The following ELK4 variants were observed in gnomAD, a reference collection of about 807,000 sequenced individuals.
ELK4 encodes the protein ETS transcription factor ELK4.
Under a neutral mutation model 29.6 loss-of-function variants are expected in ELK4, and 16 were observed. The ratio of observed to expected loss-of-function variants is 0.54; its 90% CI spans 0.37 to 0.82. ELK4 has a LOEUF of 0.82. Among genes scored for constraint, ELK4 ranks in the 40% least tolerant of loss-of-function variants. The pLI, the probability that ELK4 is intolerant of heterozygous loss-of-function variation, is 0.00. For missense variants in ELK4, 465 were observed against 507.1 expected, an observed-to-expected ratio of 0.92 and a Z score of 0.80; for synonymous variants, 213 against 191.1, an observed-to-expected ratio of 1.11 and a Z score of -0.95.
intron 1 of ELK4, chr1:205,625,468 C>A: frequency 1.5e-6 from 1 of 658,538 alleles, no homozygotes; most frequent in South Asian, 1.5e-5. Context: ...CTAGTTCAGC[C>A]GGGTTCCCAA....
At chr1:205,622,235 T>G (rs1670366505) in intron 2 of ELK4, among the ~76,000 whole-genome samples, 1 of 151,884 alleles carries the variant, frequency 6.6e-6, no homozygotes, top group Non-Finnish European at 1.5e-5. Context: ...CAAAAAAAAG[T>G]GAAAGAAATT....
chr1:205,616,109 C>T lies in ELK4; in HGVS notation c.*437G>A. 1 of 239,218 alleles carries T rather than the reference C, an allele frequency of 4.2e-6. No homozygotes were observed. The highest frequency in any genetic ancestry group is 6.0e-5 in the East Asian group (1 of 16,616). 14.8% of individuals were successfully genotyped at this position (239,218 alleles called of 1,614,324 possible). On this transcript the variant is annotated 3_prime_UTR_variant, in exon 5 of 5. Transcript: ENST00000357992. ...ACACTTAGTCCTAAAGATGCCAATT[C>T]ATTTCACAAATATTTCTTTAAATAA...
At chr1:205,626,139 G>A in intron 1 of ELK4, 3 of 717,376 alleles carry the variant, frequency 4.2e-6, no homozygotes, top group South Asian at 4.1e-5. Flanking sequence ...TGACCAAAGT[G>A]TCTACAGTCT....
rs1670107597 is a variant in ELK4 at position 205,608,677 on chromosome 1, T to C, written c.*7869A>G. 5.1e-6 allele frequency: 1 copy of C among 195,804 alleles called. No individual in the cohort carries two copies. Among genetic ancestry groups the C allele is most frequent in the African/African-American group, 2.3e-5 (1 of 43,258 alleles). 12.1% of individuals were successfully genotyped at this position (195,804 alleles called of 1,614,324 possible). ...GCTATTATTAACACTTTAACAGTTA[T>C]CCATTCCTCTGGGTAGGTGTGCACT... On this transcript the variant is annotated 3_prime_UTR_variant, in exon 5 of 5. Coordinates refer to ENST00000357992, the MANE Select transcript of ELK4 (RefSeq NM_001973.4).
rs4573566 is a variant in ELK4 at position 205,611,188 on chromosome 1, T to C, written c.*5358A>G. On this transcript the variant is annotated 3_prime_UTR_variant, in exon 5 of 5. Coordinates refer to ENST00000357992, the MANE Select transcript of ELK4 (RefSeq NM_001973.4). ...TTTCTGGCAGGCTATCAATCTATCA[T>C]AATTTTTTTCAGAGAAGTGACTTGA... is the stretch of plus-strand genomic sequence containing the variant. 57,563 of 210,626 alleles carry C rather than the reference T, an allele frequency of 0.27. 9,651 individuals carry two copies. Among genetic ancestry groups the C allele is most frequent in the East Asian group, 0.57 (7,870 of 13,910 alleles). The allele number at this position is 210,626 out of a possible 1,614,324, so 13.0% of individuals were successfully genotyped here.
intron 1 of ELK4, among the ~76,000 whole-genome samples, chr1:205,625,153 G>A (rs1433907367): frequency 6.6e-6 from 1 of 151,980 alleles, no homozygotes; most frequent in African/African-American, 2.4e-5. Flanking sequence ...GATCAAAACT[G>A]GACTACAACA....
chr1:205,622,312 G>A (rs75822494), intron 2 of ELK4, among the ~76,000 whole-genome samples: 1 of 152,146 alleles, frequency 6.6e-6, no homozygotes, highest in African/African-American at 2.4e-5. Flanking sequence ...AAGGTATAAG[G>A]TTTTAATTTG....
At position 205,620,274 on chromosome 1, in the gene ELK4, T is replaced by C. The variant is rs760468788; in HGVS notation, c.772A>G (p.Ile258Val). Residue 258 changes from isoleucine to valine, a missense_variant, in exon 3 of 5, where the codon ATA becomes GTA. Ile to Val is a conservative substitution (Grantham distance 29, BLOSUM62 3). Coordinates refer to ENST00000357992, the MANE Select transcript of ELK4 (RefSeq NM_001973.4). ...AFATTPPISS[I>V]PPLQEPPRTP... ...CTGGGAGGTTCCTGCAAAGGGGGTA[T>C]GGACGAAATGGGTGGTGTGGTGGCA... The C allele has an allele frequency of 1.5e-5, 24 of 1,614,166 alleles. No homozygotes were observed. The highest frequency in any genetic ancestry group is 1.9e-5 in the Non-Finnish European group (23 of 1,180,030).
At chr1:205,624,991 G>A (rs924128526) in intron 1 of ELK4, among the ~76,000 whole-genome samples, 19 of 152,118 alleles carry the variant, frequency 1.2e-4, no homozygotes, top group African/African-American at 3.6e-4. Flanking sequence ...ATCCGTATAA[G>A]TGTGTCCTAA....
chr1:205,619,343 G>C, intron 3 of ELK4: 1 of 1,067,072 alleles, frequency 9.4e-7, no homozygotes, highest in Non-Finnish European at 1.1e-6. Context: ...TGAGTTCTTT[G>C]GTGGTAAATT....
rs555860002 is a variant in ELK4, at chr1:205,610,253, T to A, written c.*6293A>T. 2.6e-5 allele frequency: 6 copies of A among 231,562 alleles called. No homozygotes were observed. The South Asian group carries it at 9.1e-4, about 35-fold the overall frequency. 14.3% of individuals were successfully genotyped at this position (231,562 alleles called of 1,614,324 possible). ...AAGGGAAAAGAACCAGAAGGAGCCTTTATGAGATGGGAAACAAGGCAAAGT... is the reference window on the plus strand; with the variant it reads ...AAGGGAAAAGAACCAGAAGGAGCCTATATGAGATGGGAAACAAGGCAAAGT... On this transcript the variant is annotated 3_prime_UTR_variant, in exon 5 of 5. Transcript: ENST00000357992.
Position 205,609,112 on chromosome 1 carries a change from G to A in ELK4, c.*7434C>T, listed in dbSNP as rs926115965. On this transcript the variant is annotated 3_prime_UTR_variant, in exon 5 of 5. Transcript: ENST00000357992. ...GGAATTTAAAATAATCTAACCTAGA[G>A]CTATTTCCCATTAATCAAACTCATC... 5.3e-6 allele frequency: 1 copy of A among 189,236 alleles called. No individual in the cohort carries two copies. Among genetic ancestry groups the A allele is most frequent in the South Asian group, 2.0e-4 (1 of 5,128 alleles). 11.7% of individuals were successfully genotyped at this position (189,236 alleles called of 1,614,324 possible).
chr1:205,619,383 A>G (rs1670288227), intron 3 of ELK4: 3 of 1,063,896 alleles, frequency 2.8e-6, no homozygotes, highest in South Asian at 4.5e-5. Flanking sequence ...CCTCTTTTTA[A>G]GCCAACATTT....
chr1:205,623,645 C>T (rs1299868329), intron 2 of ELK4, 31 bp downstream of exon 2: 1 of 1,609,894 alleles, frequency 6.2e-7, no homozygotes, highest in Non-Finnish European at 8.5e-7. Flanking sequence ...TGGAGGTTCT[C>T]TGTATAGTAT....
intron 3 of ELK4, 56 bp downstream of exon 3, chr1:205,619,910 T>C (rs372077498): frequency 1.9e-6 from 3 of 1,614,086 alleles, no homozygotes; most frequent in Non-Finnish European, 1.7e-6. Flanking sequence ...CTGGATTTGC[T>C]TAAAAGGGCA....
rs1447339299 is a variant in ELK4, at chr1:205,612,466, G to A, written c.*4080C>T. ...ATAACACACATATTACTTTGGTATA[G>A]CGGTATATAATTTAACATATACCCA... is the stretch of plus-strand genomic sequence containing the variant. On this transcript the variant is annotated 3_prime_UTR_variant, in exon 5 of 5. Transcript: ENST00000357992. The A allele has an allele frequency of 4.7e-6, 1 of 214,354 alleles. No individual in the cohort carries two copies. Among genetic ancestry groups the A allele is most frequent in the Non-Finnish European group, 9.4e-6 (1 of 106,366 alleles). 13.3% of individuals were successfully genotyped at this position (214,354 alleles called of 1,614,324 possible).
rs1670101219 is a variant in ELK4, at chr1:205,608,162, C to A, written c.*8384G>T. ...ATCTTTCCTAAAAGATGCATATCAC[C>A]ATTATAGAATTTAACAAAATTTTTG... is the stretch of plus-strand genomic sequence containing the variant. On this transcript the variant is annotated 3_prime_UTR_variant, in exon 5 of 5. Coordinates refer to ENST00000357992, the MANE Select transcript of ELK4 (RefSeq NM_001973.4). 3 of 187,778 alleles carry A rather than the reference C, an allele frequency of 1.6e-5. No homozygotes were observed. The South Asian group carries it at 5.9e-4, about 37-fold the overall frequency. The allele number at this position is 187,778 out of a possible 1,614,324, so 11.6% of individuals were successfully genotyped here. A position where few individuals can be genotyped will look rare whatever the true frequency, so the allele number is the denominator to read the frequency against.
intron 2 of ELK4, 110 bp from the exon 3 acceptor site, chr1:205,620,948 G>C (rs929176272): frequency 1.1e-5 from 14 of 1,259,026 alleles, no homozygotes; most frequent in Non-Finnish European, 1.1e-6. Flanking sequence ...TGTAATCCCA[G>C]CACTTTGGAA....
In ELK4 at chr1:205,623,856, C is replaced by A. The variant is rs766689095; in HGVS notation, c.27G>T (p.Gln9His). 22 of 1,614,060 alleles carry A rather than the reference C, an allele frequency of 1.4e-5. No individual in the cohort carries two copies. The highest frequency in any genetic ancestry group is 2.2e-5 in the East Asian group (1 of 44,894). MDSAITLW[Q>H]FLLQLLQKPQ... ...GCTTCTGCAGGAGCTGAAGAAGGAA[C>A]TGCCACAGGGTGATAGCACTGTCCA... Residue 9 changes from glutamine to histidine, a missense_variant, in exon 2 of 5, where the codon CAG becomes CAT. Coordinates refer to ENST00000357992, the MANE Select transcript of ELK4 (RefSeq NM_001973.4).
Sources: gnomAD v4.1 joint callset for allele counts (sites outside exome capture counted in the v4.1 genomes callset) on GRCh38, gnomAD v4.1.1 for gene constraint, MANE v1.5 for transcripts, NCBI Gene and HGNC (gene_info 2026-07-23, HGNC 2026-07-21) for gene names.